The following KLHL20 variants were observed in gnomAD, a reference collection of about 807,000 sequenced individuals.
KLHL20 encodes the protein kelch-like protein 20.
In KLHL20, 29 loss-of-function variants were observed where a neutral mutation model predicts 69.5. The observed-to-expected ratio is 0.42, with a 90% CI of 0.31 to 0.57. The LOEUF (loss-of-function observed/expected upper bound fraction) is 0.57, where lower values mean the gene tolerates loss of function less well. Ranked by LOEUF, KLHL20 falls within the 20% of genes least tolerant of loss-of-function variation. The probability of loss-of-function intolerance (pLI) is 0.18; values close to 1 mark genes in which losing one functional copy is unlikely to be tolerated. For missense variants in KLHL20, 419 were observed against 776.0 expected (o/e 0.54, Z 5.47); for synonymous variants, 253 against 265.2 (o/e 0.95, Z 0.45).
chr1:173,781,418 C>G (rs961314383), intron 10 of KLHL20, among the ~76,000 whole-genome samples: 6 of 151,944 alleles, frequency 3.9e-5, no homozygotes. Flanking sequence ...CAGGCTCAAG[C>G]AGTCCTCCTG....
At chr1:173,727,369 A>G (rs1017856400) in intron 2 of KLHL20, among the ~76,000 whole-genome samples, 3 of 152,198 alleles carry the variant, frequency 2.0e-5, no homozygotes, top group African/African-American at 7.2e-5. Flanking sequence ...AGCAAGGCAG[A>G]CCAACATTCA....
At chr1:173,782,828 A>T (rs998718119) in intron 11 of KLHL20, among the ~76,000 whole-genome samples, 1 of 152,204 alleles carries the variant, frequency 6.6e-6, no homozygotes, top group Non-Finnish European at 1.5e-5. Context: ...TTAAGTAGTT[A>T]AGTAGTTTTT....
intron 2 of KLHL20, among the ~76,000 whole-genome samples, chr1:173,716,896 ATTGGTTTATCAATTGACC>A (rs1463270860): frequency 1.3e-5 from 2 of 152,174 alleles, no homozygotes; most frequent in East Asian, 3.8e-4. Flanking sequence ...CAAATCTGTT[ATTGGTTTATCAATTGACC>A]TTGAGCTGTT....
chr1:173,772,077 T>C (rs9425413), intron 8 of KLHL20, among the ~76,000 whole-genome samples: 11,335 of 152,258 alleles, frequency 0.074, 1,396 homozygotes, highest in African/African-American at 0.25. Flanking sequence ...AATTCCTCTT[T>C]TGAAAAAATT....
At chr1:173,740,836 C>G (rs564113009) in intron 3 of KLHL20, among the ~76,000 whole-genome samples, 52 of 152,084 alleles carry the variant, frequency 3.4e-4, no homozygotes, top group Non-Finnish European at 7.2e-4. Context: ...GGATTCTGCC[C>G]AGGAAAATTT....
chr1:173,765,184 G>C (rs1647611291), intron 7 of KLHL20, among the ~76,000 whole-genome samples: 1 of 152,064 alleles, frequency 6.6e-6, no homozygotes, highest in South Asian at 2.1e-4. Context: ...TCTACAAAAA[G>C]AGCAATTTGA....
At chr1:173,770,475 A>C (rs968235888) in intron 8 of KLHL20, among the ~76,000 whole-genome samples, 1 of 152,124 alleles carries the variant, frequency 6.6e-6, no homozygotes, top group Non-Finnish European at 1.5e-5. Context: ...AGGCGGGTGG[A>C]GCATCTGAGG....
At chr1:173,769,340 C>T (rs932753331) in intron 8 of KLHL20, among the ~76,000 whole-genome samples, 1 of 152,044 alleles carries the variant, frequency 6.6e-6, no homozygotes, top group African/African-American at 2.4e-5. Flanking sequence ...GCCATCTAGT[C>T]CCTGGGAACT....
At chr1:173,749,308 C>T (rs1440535627) in intron 3 of KLHL20, among the ~76,000 whole-genome samples, 2 of 152,196 alleles carry the variant, frequency 1.3e-5, no homozygotes, top group Non-Finnish European at 2.9e-5. Flanking sequence ...TTTGCTTAGT[C>T]ATTCGTGTTT....
intron 8 of KLHL20, among the ~76,000 whole-genome samples, chr1:173,767,398 A>G (rs141063009): frequency 2.0e-5 from 3 of 152,308 alleles, no homozygotes; most frequent in East Asian, 1.9e-4. Context: ...CATTGAATAT[A>G]TACTTAGTAG....
At chr1:173,718,829 G>T in intron 2 of KLHL20, among the ~76,000 whole-genome samples, 1 of 152,194 alleles carries the variant, frequency 6.6e-6, no homozygotes, top group East Asian at 1.9e-4. Flanking sequence ...TTGTGGCTGG[G>T]TGCGGTGGCT....
intron 2 of KLHL20, among the ~76,000 whole-genome samples, chr1:173,716,752 CTATT>C (rs1026072673): frequency 6.6e-5 from 10 of 152,134 alleles, no homozygotes; most frequent in Admixed American, 3.9e-4. Context: ...TTATTGAACT[CTATT>C]TAATCATTTG....
At chr1:173,771,223 T>C (rs1648070206) in intron 8 of KLHL20, among the ~76,000 whole-genome samples, 1 of 152,148 alleles carries the variant, frequency 6.6e-6, no homozygotes, top group Non-Finnish European at 1.5e-5. Flanking sequence ...AGAACAAACT[T>C]CAGACAAAAT....
At position 173,785,980 on chromosome 1, in the gene KLHL20, T is replaced by C. The variant is rs1246376067; in HGVS notation, c.*733T>C. ...TGCTCAGTGCCTCTTATAAAAACAA[T>C]ATATAAGTCTCATATGCTGTCTTGA... On this transcript the variant is annotated 3_prime_UTR_variant, in exon 12 of 12. Transcript: ENST00000209884. 6.6e-6 allele frequency: 1 copy of C among 152,192 alleles called. No homozygotes were observed. The highest frequency in any genetic ancestry group is 2.4e-5 in the African/African-American group (1 of 41,446). 9.4% of individuals were successfully genotyped at this position (152,192 alleles called of 1,614,324 possible).
intron 7 of KLHL20, among the ~76,000 whole-genome samples, chr1:173,764,079 A>G (rs1300112837): frequency 1.3e-5 from 2 of 152,184 alleles, no homozygotes; most frequent in Non-Finnish European, 2.9e-5. Flanking sequence ...TGAATAAACA[A>G]TTCTCAAAAG....
At chr1:173,727,730 G>T (rs1020671245) in intron 2 of KLHL20, among the ~76,000 whole-genome samples, 7 of 151,976 alleles carry the variant, frequency 4.6e-5, no homozygotes, top group African/African-American at 1.7e-4. Flanking sequence ...AGACCTGCCC[G>T]AAAAGAGCTC....
At chr1:173,731,087 A>T (rs371166136) in intron 2 of KLHL20, among the ~76,000 whole-genome samples, 2,091 of 152,366 alleles carry the variant, frequency 0.014, 48 homozygotes, top group African/African-American at 0.046. Flanking sequence ...AAAAGAAGAC[A>T]TTTATGCAGC....
chr1:173,734,320 T>G, intron 3 of KLHL20, 34 bp downstream of exon 3: 1 of 1,581,506 alleles, frequency 6.3e-7, no homozygotes, highest in Admixed American at 1.7e-5. Context: ...TGCACCCATT[T>G]GTTGGAGAGC....
intron 3 of KLHL20, among the ~76,000 whole-genome samples, chr1:173,749,078 A>C (rs1037285429): frequency 6.6e-6 from 1 of 152,180 alleles, no homozygotes; most frequent in African/African-American, 2.4e-5. Context: ...TCGGACTAGC[A>C]TGGCTCCATG....
Sources: allele counts gnomAD v4.1 joint callset (sites outside exome capture counted in the v4.1 genomes callset), GRCh38; gene constraint gnomAD v4.1.1; transcripts MANE v1.5; gene names NCBI Gene and HGNC (gene_info 2026-07-23, HGNC 2026-07-21).